The following NEDD9 variants were observed in gnomAD, a reference collection of about 807,000 sequenced individuals.
NEDD9 encodes the protein neural precursor cell expressed, developmentally down-regulated 9.
In NEDD9, 26 loss-of-function variants were observed where a neutral mutation model predicts 76.6. The ratio of observed to expected loss-of-function variants is 0.34; its 90% CI spans 0.25 to 0.47. The LOEUF (loss-of-function observed/expected upper bound fraction) is 0.47. Among genes scored for constraint, NEDD9 ranks in the 20% least tolerant of loss-of-function variants. The pLI, the probability that NEDD9 is intolerant of heterozygous loss-of-function variation, is 1.00. For synonymous variants in NEDD9, 392 were observed against 414.2 expected, an observed-to-expected ratio of 0.95 and a Z score of 0.65; for missense variants, 937 against 1,058.5, an observed-to-expected ratio of 0.89 and a Z score of 1.59.
At chr6:11,293,535 G>A (rs1382109114) in intron 3 of NEDD9, among the ~76,000 whole-genome samples, 1 of 152,134 alleles carries the variant, frequency 6.6e-6, no homozygotes, top group Non-Finnish European at 1.5e-5. Flanking sequence ...TGTACAACAT[G>A]ATGCTTTGAT....
chr6:11,266,659 T>C (rs972586363), intron 3 of NEDD9, among the ~76,000 whole-genome samples: 1 of 152,196 alleles, frequency 6.6e-6, no homozygotes, highest in Non-Finnish European at 1.5e-5. Context: ...TCAACTACTG[T>C]ATGGGTTTAT....
At chr6:11,187,937 C>T (rs544942277) in intron 6 of NEDD9, among the ~76,000 whole-genome samples, 24 of 152,336 alleles carry the variant, frequency 1.6e-4, no homozygotes, top group African/African-American at 5.0e-4. Context: ...GGTCTTGTTT[C>T]TTGAGACCAA....
intron 3 of NEDD9, chr6:11,271,922 T>C (rs1201440540): frequency 6.6e-6 from 1 of 152,244 alleles, no homozygotes; most frequent in Non-Finnish European, 1.5e-5. Flanking sequence ...CTATGTAAAC[T>C]AGGCTCATGT....
At chr6:11,366,619 C>T (rs556175350) in intron 1 of NEDD9, among the ~76,000 whole-genome samples, 2 of 152,294 alleles carry the variant, frequency 1.3e-5, no homozygotes, top group Admixed American at 1.3e-4. Context: ...CAGAAACTGC[C>T]TATCTTGAAG....
intron 3 of NEDD9, among the ~76,000 whole-genome samples, chr6:11,255,264 G>T (rs565822642): frequency 2.6e-5 from 4 of 152,208 alleles, no homozygotes; most frequent in Non-Finnish European, 4.4e-5. Flanking sequence ...ATGTGTGGTC[G>T]GAGGGATTCT....
intron 1 of NEDD9, among the ~76,000 whole-genome samples, chr6:11,375,776 T>C: frequency 6.6e-6 from 1 of 152,240 alleles, no homozygotes; most frequent in East Asian, 1.9e-4. Flanking sequence ...GCCAGCACCA[T>C]GCTTTCTGTA....
Position 11,191,114 on chromosome 6 carries a change from C to T in NEDD9, c.755G>A (p.Arg252Lys), listed in dbSNP as rs1027194929. ...DFPPPMRQAG[R>K]PDLRPEGVYD... is the part of the protein sequence containing the mutation. ...AACCCCCTCCGGTCTGAGGTCCGGC[C>T]TTCCAGCTTGTCTCATGGGAGGGGG... Residue 252 changes from arginine to lysine, a missense_variant, in exon 5 of 7, where the codon AGG becomes AAG. Coordinates refer to ENST00000379446, the MANE Select transcript of NEDD9 (RefSeq NM_006403.4). 6.2e-7 allele frequency: 1 copy of T among 1,613,986 alleles called. No individual in the cohort carries two copies. The highest frequency in any genetic ancestry group is 2.2e-5 in the East Asian group (1 of 44,848).
intron 1 of NEDD9, among the ~76,000 whole-genome samples, chr6:11,376,231 C>T (rs987981996): frequency 2.6e-5 from 4 of 152,038 alleles, no homozygotes; most frequent in African/African-American, 9.7e-5. Flanking sequence ...TGGAGCATTG[C>T]TATAAAGATA....
intron 2 of NEDD9, among the ~76,000 whole-genome samples, chr6:11,316,297 G>A (rs1031582158): frequency 6.6e-6 from 1 of 152,190 alleles, no homozygotes; most frequent in South Asian, 2.1e-4. Context: ...AGGAAAGTCA[G>A]GATCTAGAGT....
chr6:11,237,521 T>C (rs759009554), upstream of NEDD9, among the ~76,000 whole-genome samples: 109 of 152,344 alleles, frequency 7.2e-4, no homozygotes, highest in Non-Finnish European at 1.3e-3. This position sits in a 1 kb window ranked among gnomAD's most constrained non-coding sequence, Gnocchi z 4.9. Flanking sequence ...CTGTTGCTAG[T>C]TCTGCATCTA....
intron 3 of NEDD9, among the ~76,000 whole-genome samples, chr6:11,280,917 C>A (rs899362468): frequency 2.0e-5 from 3 of 152,180 alleles, no homozygotes; most frequent in Non-Finnish European, 4.4e-5. Flanking sequence ...TTGCTGGGAT[C>A]TTTTCTAATA....
chr6:11,217,589 A>T (rs1758993541), intron 1 of NEDD9, among the ~76,000 whole-genome samples: 1 of 152,256 alleles, frequency 6.6e-6, no homozygotes, highest in African/African-American at 2.4e-5. Context: ...TGAAAGCCAG[A>T]AGGAACTTTA....
intron 1 of NEDD9, among the ~76,000 whole-genome samples, chr6:11,376,104 G>A (rs1310588915): frequency 4.6e-5 from 7 of 152,206 alleles, no homozygotes; most frequent in African/African-American, 1.4e-4. Context: ...GATTACTGGC[G>A]TGAGCCACCG....
chr6:11,336,410 T>A (rs1425618903), intron 1 of NEDD9, among the ~76,000 whole-genome samples: 1 of 152,244 alleles, frequency 6.6e-6, no homozygotes, highest in African/African-American at 2.4e-5. Context: ...AGACAGCATG[T>A]CACTGTACTG....
chr6:11,211,005 A>G (rs992706866), intron 2 of NEDD9, among the ~76,000 whole-genome samples: 1 of 152,138 alleles, frequency 6.6e-6, no homozygotes, highest in Non-Finnish European at 1.5e-5. Flanking sequence ...CCAGACCCTG[A>G]CTGTGTGATG....
chr6:11,283,904 C>T (rs993333552), intron 3 of NEDD9, among the ~76,000 whole-genome samples: 6 of 152,032 alleles, frequency 3.9e-5, no homozygotes, highest in African/African-American at 1.4e-4. Context: ...ACAGAGCCTT[C>T]CTGGGTTTGG....
Position 11,370,763 on chromosome 6 carries a change from G to C in NEDD9, c.-214+11376C>G, listed in dbSNP as rs984507025. On this transcript the variant is annotated intron_variant, in intron 1 of 3. Transcript: ENST00000397378. This position sits in a 1 kb window ranked among gnomAD's most constrained non-coding sequence, Gnocchi z 4.2. ...TCCCATGTGCCAAGAACACAGCAGG[G>C]GACAAAATAACGTCCTTCACCCACC... Among the ~76,000 whole-genome samples the C allele has an allele frequency of 7.2e-5, 11 of 152,152 alleles. No homozygotes were observed. The highest frequency in any genetic ancestry group is 2.7e-4 in the African/African-American group (11 of 41,404).
intron 1 of NEDD9, among the ~76,000 whole-genome samples, chr6:11,217,163 A>G (rs1452165530): frequency 2.0e-5 from 3 of 152,250 alleles, no homozygotes; most frequent in South Asian, 4.1e-4. Flanking sequence ...GGTTTCAGTA[A>G]GACCATAACA....
chr6:11,202,279 T>A (rs752755804), intron 2 of NEDD9, among the ~76,000 whole-genome samples: 1 of 152,184 alleles, frequency 6.6e-6, no homozygotes, highest in East Asian at 1.9e-4. Context: ...TTGCGTTTCA[T>A]GAATTAACAA....
Sources: allele counts gnomAD v4.1 joint callset (sites outside exome capture counted in the v4.1 genomes callset), GRCh38; gene constraint gnomAD v4.1.1; non-coding constraint Gnocchi (gnomAD v3.1); transcripts MANE v1.5; gene names NCBI Gene and HGNC (gene_info 2026-07-23, HGNC 2026-07-21).